Variants in WASHC4 observed in about 807,000 individuals in gnomAD.
WASHC4 encodes the protein WASH complex subunit 4, also known as WASH complex subunit 7.
Under a neutral mutation model 166.6 loss-of-function variants are expected in WASHC4, and 86 were observed. The ratio of observed to expected loss-of-function variants is 0.52; its 90% CI spans 0.43 to 0.62. The LOEUF (loss-of-function observed/expected upper bound fraction) is 0.62. Among genes scored for constraint, WASHC4 ranks in the 20% least tolerant of loss-of-function variants. The probability of loss-of-function intolerance (pLI) is 0.00; values close to 1 mark genes in which losing one functional copy is unlikely to be tolerated. For missense variants in WASHC4, 1,262 were observed against 1,382.4 expected, an observed-to-expected ratio of 0.91 and a Z score of 1.38; for synonymous variants, 446 against 451.6, an observed-to-expected ratio of 0.99 and a Z score of 0.16.
chr12:105,141,781 C>T (rs928143906), intron 18 of WASHC4, among the ~76,000 whole-genome samples: 2 of 152,102 alleles, frequency 1.3e-5, no homozygotes, highest in Non-Finnish European at 2.9e-5. Context: ...ATTAAGGTTA[C>T]AGCACAATTT....
chr12:105,169,042 T>G lies in WASHC4; in HGVS notation c.*2111T>G, dbSNP rs956691034. 2.0e-5 allele frequency: 3 copies of G among 152,606 alleles called. No individual in the cohort carries two copies. The highest frequency in any genetic ancestry group is 7.2e-5 in the African/African-American group (3 of 41,458). The allele number at this position is 152,606 out of a possible 1,614,324, so 9.5% of individuals were successfully genotyped here. A position where few individuals can be genotyped will look rare whatever the true frequency, so the allele number is the denominator to read the frequency against. On this transcript the variant is annotated 3_prime_UTR_variant, in exon 33 of 33. Coordinates refer to ENST00000332180, the MANE Select transcript of WASHC4 (RefSeq NM_015275.3). The stretch of plus-strand genomic sequence containing the variant: ...ATTTTGTAAAAGATGGCAAGTTTGT[T>G]ACCTCACTTGAGTGGGGTTTTCCTT...
Position 105,168,036 on chromosome 12 carries a change from A to G in WASHC4, c.*1105A>G, listed in dbSNP as rs1431683141. The G allele has an allele frequency of 6.6e-6, 1 of 152,184 alleles. No individual in the cohort carries two copies. The highest frequency in any genetic ancestry group is 1.9e-4 in the East Asian group (1 of 5,204). The allele number at this position is 152,184 out of a possible 1,614,324, so 9.4% of individuals were successfully genotyped here. ...AAAAATAAAATAAAGTGATACCTTT[A>G]CAATGAAGACAAAAGTTTAAAACTT... On this transcript the variant is annotated 3_prime_UTR_variant, in exon 33 of 33. Coordinates refer to ENST00000332180, the MANE Select transcript of WASHC4 (RefSeq NM_015275.3).
chr12:105,121,661 C>A (rs1267912349), intron 9 of WASHC4, among the ~76,000 whole-genome samples: 3 of 152,118 alleles, frequency 2.0e-5, no homozygotes, highest in African/African-American at 7.2e-5. Flanking sequence ...GCGTGTGCCA[C>A]CATGCCCAGC....
intron 2 of WASHC4, among the ~76,000 whole-genome samples, chr12:105,113,856 A>C (rs1879921008): frequency 6.6e-6 from 1 of 152,046 alleles, no homozygotes; most frequent in Admixed American, 6.6e-5. Context: ...TATCTTATTA[A>C]ATTTGTGGCT....
intron 24 of WASHC4, chr12:105,148,281 T>C (rs1482472933): frequency 1.0e-6 from 1 of 985,294 alleles, no homozygotes; most frequent in African/African-American, 1.7e-5. Context: ...ATGATCATGT[T>C]TGTACCTTTG....
chr12:105,144,187 C>A, intron 20 of WASHC4, 100 bp from the exon 21 acceptor site: 1 of 999,176 alleles, frequency 1.0e-6, no homozygotes. Flanking sequence ...TGCTTCTGAC[C>A]AAAAAACTAT....
At position 105,146,565 on chromosome 12, in the gene WASHC4, T is replaced by A. The variant is rs1883316022; in HGVS notation, c.2409+39T>A. On this transcript the variant is annotated intron_variant, in intron 23 of 32. Coordinates refer to ENST00000332180, the MANE Select transcript of WASHC4 (RefSeq NM_015275.3). ...ATAAATTTTTTTTTTTTAATGTAGGTGGAGATAGTTGGAAGGCTGAGGGGC... is the reference window on the plus strand; with the variant it reads ...ATAAATTTTTTTTTTTTAATGTAGGAGGAGATAGTTGGAAGGCTGAGGGGC... 5 of 1,076,194 alleles carry A rather than the reference T, an allele frequency of 4.6e-6. No homozygotes were observed. The Admixed American group carries it at 6.9e-5, about 15-fold the overall frequency. The allele number at this position is 1,076,194 out of a possible 1,614,324, so 66.7% of individuals were successfully genotyped here.
intron 2 of WASHC4, among the ~76,000 whole-genome samples, chr12:105,112,127 A>G (rs930795296): frequency 6.6e-6 from 1 of 152,168 alleles, no homozygotes; most frequent in Non-Finnish European, 1.5e-5. Context: ...TCTCCTCTGT[A>G]CACTTCATAT....
chr12:105,125,540 T>C (rs1488249789), intron 10 of WASHC4, among the ~76,000 whole-genome samples: 1 of 152,154 alleles, frequency 6.6e-6, no homozygotes, highest in African/African-American at 2.4e-5. Context: ...GCGTCAACTA[T>C]ATATCAATTT....
At chr12:105,144,667 T>G in intron 21 of WASHC4, 51 bp from the exon 22 acceptor site, 1 of 1,527,450 alleles carries the variant, frequency 6.5e-7, no homozygotes, top group Non-Finnish European at 9.0e-7. Context: ...TTAGGTTTCA[T>G]TTCTTTTCCT....
chr12:105,132,000 C>T (rs1441377656), intron 13 of WASHC4, among the ~76,000 whole-genome samples: 3 of 152,106 alleles, frequency 2.0e-5, no homozygotes, highest in African/African-American at 4.8e-5. Context: ...GGATTCTAAA[C>T]GTAATTGAGT....
chr12:105,149,532 G>A (rs1443158959), intron 24 of WASHC4, 83 bp from the exon 25 acceptor site: 10 of 1,092,686 alleles, frequency 9.2e-6, no homozygotes, highest in Admixed American at 2.3e-5. Flanking sequence ...ATAGATAACT[G>A]TGATACAGTA....
intron 7 of WASHC4, among the ~76,000 whole-genome samples, chr12:105,119,040 T>C (rs1361557401): frequency 6.6e-6 from 1 of 152,212 alleles, no homozygotes; most frequent in African/African-American, 2.4e-5. Flanking sequence ...GGAGAATTGG[T>C]TACATGGGAG....
At chr12:105,147,763 G>T in intron 24 of WASHC4, 1 of 354,360 alleles carries the variant, frequency 2.8e-6, no homozygotes, top group Non-Finnish European at 4.0e-6. Flanking sequence ...AAATTAGCCA[G>T]GCGTGGTGGC....
chr12:105,166,863 G>T lies in WASHC4; in HGVS notation c.3455-1G>T, dbSNP rs1393588930. On this transcript the variant is annotated splice_acceptor_variant, in intron 32 of 32. Coordinates refer to ENST00000332180, the MANE Select transcript of WASHC4 (RefSeq NM_015275.3). LOFTEE classifies it high-confidence loss of function. ...ATTATTATTTTCACTCATGCTTTCAGAAGAAACTAAAACAAGCAATGGAGA... is the reference window on the plus strand; with the variant it reads ...ATTATTATTTTCACTCATGCTTTCATAAGAAACTAAAACAAGCAATGGAGA... 2 of 1,594,080 alleles carry T rather than the reference G, an allele frequency of 1.3e-6. No individual in the cohort carries two copies. The highest frequency in any genetic ancestry group is 3.3e-5 in the Admixed American group (2 of 59,974).
At chr12:105,159,868 A>G in intron 28 of WASHC4, 133 bp from the exon 29 acceptor site, 1 of 772,528 alleles carries the variant, frequency 1.3e-6, no homozygotes, top group Non-Finnish European at 2.1e-6. Context: ...CTGAACTCCA[A>G]GAAAATTTTC....
rs1368041903 is a variant in WASHC4, at chr12:105,107,764, G to A, written c.-37G>A. The A allele has an allele frequency of 1.3e-6, 2 of 1,503,998 alleles. No homozygotes were observed. Among genetic ancestry groups the A allele is most frequent in the South Asian group, 1.2e-5 (1 of 82,556 alleles). The allele number at this position is 1,503,998 out of a possible 1,614,324, so 93.2% of individuals were successfully genotyped here. On this transcript the variant is annotated 5_prime_UTR_variant, in exon 1 of 33. Coordinates refer to ENST00000332180, the MANE Select transcript of WASHC4 (RefSeq NM_015275.3). Reference sequence around the variant, plus strand: ...GGGTGAGGCCGTCGTCGCCGCACGGGCTGGTTGGGGCTGTGTCTGTGGGAG... The same window carrying A: ...GGGTGAGGCCGTCGTCGCCGCACGGACTGGTTGGGGCTGTGTCTGTGGGAG...
chr12:105,115,323 G>A, intron 5 of WASHC4, 94 bp downstream of exon 5: 2 of 828,410 alleles, frequency 2.4e-6, no homozygotes, highest in Non-Finnish European at 4.1e-6. Flanking sequence ...TTATATAATA[G>A]TGTGAGAAAA....
intron 32 of WASHC4, among the ~76,000 whole-genome samples, chr12:105,165,413 ATCT>A (rs1287937177): frequency 3.3e-5 from 5 of 152,344 alleles, no homozygotes; most frequent in Admixed American, 3.3e-4. Flanking sequence ...AGGAATAATC[ATCT>A]TCTCTGAGAA....
Sources: allele counts gnomAD v4.1 joint callset (sites outside exome capture counted in the v4.1 genomes callset), GRCh38; gene constraint gnomAD v4.1.1; transcripts MANE v1.5; gene names NCBI Gene and HGNC (gene_info 2026-07-23, HGNC 2026-07-21).